The following OSBPL6 variants were observed in gnomAD, a reference collection of about 807,000 sequenced individuals.
OSBPL6 encodes oxysterol-binding protein-related protein 6.
A neutral mutation model predicts 125.8 loss-of-function variants in OSBPL6; 49 were observed. That is an observed-to-expected ratio of 0.39 (90% confidence interval 0.31 to 0.49). OSBPL6 has a LOEUF of 0.49. OSBPL6 is among the 20% of genes least tolerant of loss of function. The pLI is 0.88. For missense variants in OSBPL6, 986 were observed against 1,135.4 expected (o/e 0.87, Z 1.89); for synonymous variants, 394 against 391.8 (o/e 1.01, Z -0.07).
Position 178,391,144 on chromosome 2 carries a change from C to T in OSBPL6, c.2373C>T (p.Tyr791=), listed in dbSNP as rs751819144. 18 of 1,613,798 alleles carry T rather than the reference C, an allele frequency of 1.1e-5. No individual in the cohort carries two copies. Among genetic ancestry groups the T allele is most frequent in the Middle Eastern group, 1.7e-4 (1 of 6,060 alleles). The part of the protein sequence containing the change: ...VVIDQEGKAV[Y]RLFGKWHEGL... ...TAGATCAGGAGGGGAAGGCGGTGTA[C>T]CGGCTGTTTGGAAAGTGGCATGAAG... The change falls in exon 22 of 25, where the codon TAC becomes TAT. Residue 791 remains tyrosine (Y), a synonymous_variant. Coordinates refer to ENST00000190611, the MANE Select transcript of OSBPL6 (RefSeq NM_032523.4).
intron 13 of OSBPL6, among the ~76,000 whole-genome samples, chr2:178,365,675 T>G (rs182055999): frequency 1.3e-5 from 2 of 152,154 alleles, no homozygotes; most frequent in East Asian, 3.9e-4. Context: ...GACTCTGTCT[T>G]AAAAAAATAA....
At chr2:178,331,879 C>T (rs879752506) in intron 6 of OSBPL6, among the ~76,000 whole-genome samples, 3 of 152,152 alleles carry the variant, frequency 2.0e-5, no homozygotes, top group East Asian at 1.9e-4. Flanking sequence ...GGATAGAAAA[C>T]GCAAATGGGC....
intron 3 of OSBPL6, among the ~76,000 whole-genome samples, chr2:178,320,930 C>G (rs532174700): frequency 6.6e-6 from 1 of 152,102 alleles, no homozygotes; most frequent in South Asian, 2.1e-4. Flanking sequence ...GAGGCCGAGG[C>G]GGGTGGATCA....
At chr2:178,320,275 C>A in intron 3 of OSBPL6, 1 of 1,611,162 alleles carries the variant, frequency 6.2e-7, no homozygotes, top group South Asian at 1.1e-5. Flanking sequence ...GTATTGAGAT[C>A]AATGAACACT....
At chr2:178,274,821 G>T (rs1451327918) in intron 1 of OSBPL6, among the ~76,000 whole-genome samples, 1 of 152,180 alleles carries the variant, frequency 6.6e-6, no homozygotes, top group East Asian at 1.9e-4. Context: ...TCAGATATAG[G>T]AGTGTGACTA....
chr2:178,213,619 T>C (rs2089965652), intron 1 of OSBPL6, among the ~76,000 whole-genome samples: 1 of 152,114 alleles, frequency 6.6e-6, no homozygotes, highest in South Asian at 2.1e-4. Flanking sequence ...GCTAGGAAAA[T>C]ATTAAAAGCA....
intron 3 of OSBPL6, among the ~76,000 whole-genome samples, chr2:178,310,572 C>T (rs1449796958): frequency 1.3e-5 from 2 of 151,922 alleles, no homozygotes; most frequent in African/African-American, 2.4e-5. Flanking sequence ...TGCCCGCCAC[C>T]GCACCCGGCT....
chr2:178,233,184 G>A (rs1030857047), intron 1 of OSBPL6, among the ~76,000 whole-genome samples: 4 of 152,202 alleles, frequency 2.6e-5, no homozygotes, highest in South Asian at 2.1e-4. Context: ...GAAATGGGAA[G>A]TGGAGTTTTT....
At chr2:178,244,705 T>A (rs946479466) in intron 1 of OSBPL6, among the ~76,000 whole-genome samples, 1 of 152,230 alleles carries the variant, frequency 6.6e-6, no homozygotes, top group Non-Finnish European at 1.5e-5. Context: ...TGCTTATGCT[T>A]ATTTCATGGT....
chr2:178,323,450 G>A (rs1688422199), intron 3 of OSBPL6: 1 of 152,018 alleles, frequency 6.6e-6, no homozygotes. Context: ...GGGTGTGAAG[G>A]CTCTGGATTT....
Position 178,336,781 on chromosome 2 carries a change from C to A in OSBPL6, c.790+348C>A, listed in dbSNP as rs182496022. Among the ~76,000 whole-genome samples the A allele has an allele frequency of 2.3e-3, 345 of 152,230 alleles. 2 individuals carry two copies. The highest frequency in any genetic ancestry group is 8.0e-3 in the African/African-American group (331 of 41,546). ...TGGGGCAGTCACACAGAGGAGTAAC[C>A]CCCAAGGAGAGCCTACTCTGCCCAT... On this transcript the variant is annotated intron_variant, in intron 9 of 24. Coordinates refer to ENST00000190611, the MANE Select transcript of OSBPL6 (RefSeq NM_032523.4).
intron 15 of OSBPL6, among the ~76,000 whole-genome samples, chr2:178,374,584 G>C (rs910382502): frequency 2.6e-5 from 4 of 152,160 alleles, no homozygotes; most frequent in Non-Finnish European, 5.9e-5. Flanking sequence ...TTGGAAACTG[G>C]GAACCTCTTC....
chr2:178,209,945 A>G (rs775154774), intron 1 of OSBPL6, among the ~76,000 whole-genome samples: 1 of 151,836 alleles, frequency 6.6e-6, no homozygotes, highest in East Asian at 1.9e-4. Context: ...TTTCCATACT[A>G]TAGCCATATG....
chr2:178,288,365 G>A (rs1451790141), intron 2 of OSBPL6, among the ~76,000 whole-genome samples: 2 of 152,150 alleles, frequency 1.3e-5, no homozygotes, highest in Non-Finnish European at 2.9e-5. Context: ...AAACAAAGGA[G>A]GGACAAGAGA....
intron 16 of OSBPL6, 24 bp downstream of exon 16, chr2:178,382,531 G>A: frequency 6.2e-7 from 1 of 1,613,824 alleles, no homozygotes; most frequent in Non-Finnish European, 8.5e-7. Context: ...GAGCTTCCAG[G>A]TTGTTCTATC....
rs376348298 is a variant in OSBPL6, at chr2:178,394,254, G to GT, written c.2574-51dup. On this transcript the variant is annotated intron_variant, in intron 23 of 24. Coordinates refer to ENST00000190611, the MANE Select transcript of OSBPL6 (RefSeq NM_032523.4). ...TAGAAAACAATTTTGTGCAAATGAG[G>GT]TTTTTTTTCCCCCAGAAAAGAGGAT... 5.9e-5 allele frequency: 94 copies of GT among 1,581,282 alleles called. 2 individuals are homozygous for GT. The highest frequency in any genetic ancestry group is 5.2e-4 in the East Asian group (23 of 44,644).
intron 13 of OSBPL6, among the ~76,000 whole-genome samples, chr2:178,362,566 T>C (rs1692451332): frequency 6.6e-6 from 1 of 152,204 alleles, no homozygotes; most frequent in Non-Finnish European, 1.5e-5. Context: ...ACTCGGTGTC[T>C]ATATAAAATA....
chr2:178,376,157 A>G (rs898457198), intron 15 of OSBPL6, among the ~76,000 whole-genome samples: 1 of 152,092 alleles, frequency 6.6e-6, no homozygotes, highest in Non-Finnish European at 1.5e-5. Context: ...TCAGCTCAGG[A>G]TCTGCATAAC....
intron 1 of OSBPL6, among the ~76,000 whole-genome samples, chr2:178,239,210 A>G (rs1301882558): frequency 2.0e-5 from 3 of 152,196 alleles, no homozygotes; most frequent in Non-Finnish European, 4.4e-5. Flanking sequence ...AATAAATTTG[A>G]TACACATGCA....
Sources: allele counts gnomAD v4.1 joint callset (sites outside exome capture counted in the v4.1 genomes callset), GRCh38; gene constraint gnomAD v4.1.1; transcripts MANE v1.5; gene names NCBI Gene and HGNC (gene_info 2026-07-23, HGNC 2026-07-21).